ENAH: variants seen among roughly 807,000 people sequenced by gnomAD.
ENAH encodes protein enabled homolog.
A neutral mutation model predicts 78.7 loss-of-function variants in ENAH; 23 were observed. The ratio of observed to expected loss-of-function variants is 0.29; its 90% CI spans 0.21 to 0.41. ENAH has a LOEUF of 0.41. Among genes scored for constraint, ENAH ranks in the 10% least tolerant of loss-of-function variants. ENAH has a pLI of 1.00. For synonymous variants in ENAH, 226 were observed against 241.0 expected, an observed-to-expected ratio of 0.94 and a Z score of 0.58; for missense variants, 544 against 691.0, an observed-to-expected ratio of 0.79 and a Z score of 2.39.
intron 11 of ENAH, among the ~76,000 whole-genome samples, chr1:225,503,658 C>CA (rs10683254): frequency 0.11 from 9,270 of 82,958 alleles, 703 homozygotes; most frequent in South Asian, 0.27. Context: ...CAAACCACCT[C>CA]AAAAAAAAAA....
Position 225,519,385 on chromosome 1 carries a change from C to T in ENAH, c.615G>A (p.Glu205=), listed in dbSNP as rs1432580534. The change falls in exon 5 of 14, where the codon GAG becomes GAA. Residue 205 remains glutamate (E), a synonymous_variant. Transcript: ENST00000366843. The part of the protein sequence containing the change: ...RQERERQERL[E]RQERLERQER... ...CCTGCCGCTCCAGGCGTTCCTGCCG[C>T]TCCAGGCGTTCCTGCCGTTCCCGTT... 10 of 1,543,942 alleles carry T rather than the reference C, an allele frequency of 6.5e-6. No homozygotes were observed. Among genetic ancestry groups the T allele is most frequent in the Non-Finnish European group, 8.0e-6 (9 of 1,125,648 alleles).
chr1:225,626,235 CAGG>C (rs1413529248), intron 1 of ENAH, among the ~76,000 whole-genome samples: 1 of 152,188 alleles, frequency 6.6e-6, no homozygotes, highest in Non-Finnish European at 1.5e-5. Context: ...TTGCCTCTAC[CAGG>C]AGAACTAACT....
At chr1:225,652,644 G>C (rs1024963041) in intron 1 of ENAH, 42 bp downstream of exon 1, 241 of 1,264,652 alleles carry the variant, frequency 1.9e-4, no homozygotes, top group Non-Finnish European at 2.2e-4. Context: ...CGGCTCCCGC[G>C]GCACAATGGC....
intron 4 of ENAH, among the ~76,000 whole-genome samples, chr1:225,527,931 C>T (rs993354113): frequency 6.6e-6 from 1 of 152,150 alleles, no homozygotes; most frequent in Admixed American, 6.5e-5. Context: ...AACTCAACAA[C>T]CTTCCTAGGT....
intron 1 of ENAH, among the ~76,000 whole-genome samples, chr1:225,606,038 TTTA>T (rs776917159): frequency 6.6e-6 from 1 of 152,204 alleles, no homozygotes; most frequent in Non-Finnish European, 1.5e-5. Context: ...ACATTCCCCT[TTTA>T]TTATTATTTT....
In ENAH at chr1:225,491,486, AAAT is replaced by A. The variant is rs903661637; in HGVS notation, c.*6286_*6288del. On this transcript the variant is annotated 3_prime_UTR_variant, in exon 14 of 14. Transcript: ENST00000366843. ...AAATGCCTTTAATCTTTAAAAAAAA[AAAT>A]AAAAGAAAAAGAAAAAAAGAAAAGA... is the stretch of plus-strand genomic sequence containing the variant. 3 of 151,838 alleles carry A rather than the reference AAAT, an allele frequency of 2.0e-5. No individual in the cohort carries two copies. The highest frequency in any genetic ancestry group is 7.3e-5 in the African/African-American group (3 of 41,378). The allele number at this position is 151,838 out of a possible 1,614,324, so 9.4% of individuals were successfully genotyped here.
intron 3 of ENAH, among the ~76,000 whole-genome samples, chr1:225,541,879 T>A (rs1177799607): frequency 3.9e-5 from 6 of 152,084 alleles, no homozygotes; most frequent in Non-Finnish European, 1.5e-5. Context: ...CTGGCTCTAG[T>A]TTGTTTTTTG....
At chr1:225,585,364 TGAA>T (rs2096841003) in intron 1 of ENAH, among the ~76,000 whole-genome samples, 1 of 150,954 alleles carries the variant, frequency 6.6e-6, no homozygotes. Context: ...ATAGAATAAA[TGAA>T]GGTTATTAAC....
chr1:225,538,220 G>A (rs11804951), intron 3 of ENAH, among the ~76,000 whole-genome samples: 4 of 151,984 alleles, frequency 2.6e-5, no homozygotes, highest in African/African-American at 7.2e-5. Context: ...AAAGTTCTAC[G>A]CAATACATTT....
chr1:225,526,223 C>A (rs2096503407), intron 4 of ENAH, among the ~76,000 whole-genome samples: 2 of 152,144 alleles, frequency 1.3e-5, no homozygotes, highest in Non-Finnish European at 2.9e-5. Context: ...CTAATCTGAT[C>A]TTCTTACTTT....
intron 3 of ENAH, among the ~76,000 whole-genome samples, chr1:225,548,329 A>G (rs2096625219): frequency 6.6e-6 from 1 of 152,076 alleles, no homozygotes; most frequent in Admixed American, 6.5e-5. Context: ...ACATTTTATA[A>G]ATTAGGAAAT....
Position 225,653,016 on chromosome 1 carries a change from T to G in ENAH, c.-326A>C, listed in dbSNP as rs2148543655. 1.9e-5 allele frequency: 4 copies of G among 211,560 alleles called. No individual in the cohort carries two copies. The highest frequency in any genetic ancestry group is 2.8e-5 in the Non-Finnish European group (3 of 107,078). 13.1% of individuals were successfully genotyped at this position (211,560 alleles called of 1,614,324 possible). On this transcript the variant is annotated 5_prime_UTR_variant, in exon 1 of 14. Coordinates refer to ENST00000366843, the MANE Select transcript of ENAH (RefSeq NM_018212.6). This position sits in a 1 kb window ranked among gnomAD's most constrained non-coding sequence, Gnocchi z 4.3. ...GCTTCCTCGGCCGCCCTCTGAGGGG[T>G]GCCCGCCGGGGCCGCGCGCCCGGCC...
intron 1 of ENAH, among the ~76,000 whole-genome samples, chr1:225,647,167 A>T (rs1662135695): frequency 6.6e-6 from 1 of 152,184 alleles, no homozygotes. Flanking sequence ...CGGAAGCTGC[A>T]GTGAGTGGAG....
intron 1 of ENAH, among the ~76,000 whole-genome samples, chr1:225,638,559 G>A (rs942180918): frequency 3.3e-5 from 5 of 152,154 alleles, no homozygotes; most frequent in Non-Finnish European, 7.3e-5. Context: ...TATTGTTGAG[G>A]ATTTTTCTTA....
In ENAH at chr1:225,539,710, C is replaced by G. The variant is rs183838501; in HGVS notation, c.350-9072G>C. 1.5e-4 allele frequency among the ~76,000 whole-genome samples: 23 copies of G among 152,330 alleles called. 1 individual carries two copies. Among genetic ancestry groups the G allele is most frequent in the African/African-American group, 5.5e-4 (23 of 41,576 alleles). ...CTCATCCAATTCCTACTCTATTGCTCTCTAGGCTCTAGGTACACCGGTCTC... is the reference window on the plus strand; with the variant it reads ...CTCATCCAATTCCTACTCTATTGCTGTCTAGGCTCTAGGTACACCGGTCTC... On this transcript the variant is annotated intron_variant, in intron 3 of 13. Transcript: ENST00000366843.
At chr1:225,581,728 C>A (rs1394713488) in intron 1 of ENAH, among the ~76,000 whole-genome samples, 1 of 152,044 alleles carries the variant, frequency 6.6e-6, no homozygotes, top group African/African-American at 2.4e-5. Context: ...GGGTTTCACT[C>A]CGTCACCCAG....
intron 1 of ENAH, among the ~76,000 whole-genome samples, chr1:225,614,200 A>G (rs550702079): frequency 2.6e-5 from 4 of 152,014 alleles, no homozygotes; most frequent in African/African-American, 9.7e-5. Context: ...CTGGGATTAC[A>G]GGCGCCCACC....
chr1:225,634,456 C>T (rs973818028), intron 1 of ENAH, among the ~76,000 whole-genome samples: 1 of 152,108 alleles, frequency 6.6e-6, no homozygotes, highest in Non-Finnish European at 1.5e-5. Flanking sequence ...AAGGTGTGTA[C>T]TACTGGTATT....
At chr1:225,526,617 G>A (rs2096507603) in intron 4 of ENAH, among the ~76,000 whole-genome samples, 3 of 151,126 alleles carry the variant, frequency 2.0e-5, no homozygotes, top group Non-Finnish European at 4.4e-5. Flanking sequence ...GATTATGTAA[G>A]CCACAGCACA....
Sources: allele counts gnomAD v4.1 joint callset (sites outside exome capture counted in the v4.1 genomes callset), GRCh38; gene constraint gnomAD v4.1.1; non-coding constraint Gnocchi (gnomAD v3.1); transcripts MANE v1.5; gene names NCBI Gene and HGNC (gene_info 2026-07-23, HGNC 2026-07-21).